The following CERS3 variants were observed in gnomAD, a reference collection of about 807,000 sequenced individuals.
The protein encoded by CERS3 is LAG1 homolog, ceramide synthase 3.
CERS3 carries 33 observed loss-of-function variants against 50.3 expected under a neutral mutation model. That is an observed-to-expected ratio of 0.66 (90% CI 0.50 to 0.88). CERS3 has a LOEUF of 0.88. CERS3 is among the 40% of genes least tolerant of loss of function. The probability of loss-of-function intolerance (pLI) is 0.00; values close to 1 mark genes in which losing one functional copy is unlikely to be tolerated. For synonymous variants in CERS3, 176 were observed against 155.2 expected, an observed-to-expected ratio of 1.13 and a Z score of -0.99; for missense variants, 470 against 460.3, an observed-to-expected ratio of 1.02 and a Z score of -0.19.
intron 11 of CERS3, among the ~76,000 whole-genome samples, chr15:100,451,258 A>C (rs890421610): frequency 1.3e-5 from 2 of 151,908 alleles, no homozygotes; most frequent in African/African-American, 4.8e-5. Context: ...AAATTAATTA[A>C]TAAAATGACA....
chr15:100,474,765 C>A (rs1476094926), intron 8 of CERS3, among the ~76,000 whole-genome samples: 1 of 152,130 alleles, frequency 6.6e-6, no homozygotes, highest in Non-Finnish European at 1.5e-5. Flanking sequence ...GAGATAGGAA[C>A]TATTTTTAGC....
intron 11 of CERS3, among the ~76,000 whole-genome samples, chr15:100,403,791 C>G (rs1480902076): frequency 2.0e-5 from 3 of 152,184 alleles, no homozygotes; most frequent in Non-Finnish European, 2.9e-5. Context: ...AATGTTTACA[C>G]TGGTAAATTC....
intron 11 of CERS3, among the ~76,000 whole-genome samples, chr15:100,403,850 C>T (rs899809439): frequency 6.6e-6 from 1 of 150,852 alleles, no homozygotes; most frequent in African/African-American, 2.4e-5. Context: ...CAATCACTTC[C>T]AGAAAATAGA....
chr15:100,517,210 C>T (rs765404582), intron 2 of CERS3, among the ~76,000 whole-genome samples: 36 of 152,320 alleles, frequency 2.4e-4, no homozygotes, highest in Non-Finnish European at 4.6e-4. Flanking sequence ...AAATAAAGTA[C>T]ATCATGTGTC....
chr15:100,541,284 C>T (rs2037196420), intron 1 of CERS3, among the ~76,000 whole-genome samples: 1 of 152,154 alleles, frequency 6.6e-6, no homozygotes, highest in South Asian at 2.1e-4. Context: ...CCAGCCTGAC[C>T]AACATGGCGA....
rs945461513 is a variant in CERS3, at chr15:100,430,120, G to A, written c.999+25773C>T. Among the ~76,000 whole-genome samples, 4 of 152,040 alleles carry A rather than the reference G, an allele frequency of 2.6e-5. No individual in the cohort carries two copies. The South Asian group carries it at 8.3e-4, about 32-fold the overall frequency. On this transcript the variant is annotated intron_variant, in intron 11 of 11. Coordinates refer to ENST00000679737, the MANE Select transcript of CERS3 (RefSeq NM_001378789.1). Reference sequence around the variant, plus strand: ...GAGGTCAGGAGATCGAGACCATCCTGGCTAACACGGTGGAACCCTGTCTCT... The same window carrying A: ...GAGGTCAGGAGATCGAGACCATCCTAGCTAACACGGTGGAACCCTGTCTCT...
upstream of CERS3, among the ~76,000 whole-genome samples, chr15:100,532,720 A>G (rs776105857): frequency 6.6e-6 from 1 of 152,154 alleles, no homozygotes; most frequent in African/African-American, 2.4e-5. Flanking sequence ...AATCGGCCCA[A>G]TACACTCCAG....
chr15:100,463,370 G>A (rs574697375), intron 10 of CERS3, among the ~76,000 whole-genome samples: 12 of 146,990 alleles, frequency 8.2e-5, no homozygotes, highest in African/African-American at 2.8e-4. Context: ...GGGAAGCAGA[G>A]GTTGCAGTGA....
intron 3 of CERS3, among the ~76,000 whole-genome samples, chr15:100,497,852 TACACACACACACACACACACAC>T (rs57343426): frequency 5.5e-5 from 6 of 108,826 alleles, no homozygotes; most frequent in African/African-American, 7.3e-5. Context: ...ACCTATCTCT[TACACACACACACACACACACAC>T]ACACACACAC....
At chr15:100,463,509 A>C (rs563654522) in intron 10 of CERS3, among the ~76,000 whole-genome samples, 1 of 152,232 alleles carries the variant, frequency 6.6e-6, no homozygotes, top group African/African-American at 2.4e-5. Flanking sequence ...TTATAAATAA[A>C]GTTCCTTATT....
At chr15:100,426,159 A>T (rs2032799110) in intron 11 of CERS3, 1 of 152,216 alleles carries the variant, frequency 6.6e-6, no homozygotes, top group African/African-American at 2.4e-5. Context: ...CTATATACAC[A>T]TCAAAAATTT....
At chr15:100,462,515 TA>T (rs2034582588) in intron 10 of CERS3, among the ~76,000 whole-genome samples, 1 of 152,240 alleles carries the variant, frequency 6.6e-6, no homozygotes, top group Non-Finnish European at 1.5e-5. Flanking sequence ...AGTGATCTCT[TA>T]AGTTTCTAAA....
chr15:100,434,345 C>T (rs140902212), intron 11 of CERS3, among the ~76,000 whole-genome samples: 520 of 152,354 alleles, frequency 3.4e-3, no homozygotes, highest in Non-Finnish European at 5.2e-3. Flanking sequence ...CTTTGAAGAA[C>T]ACAGCCCCTT....
At chr15:100,440,269 G>A (rs1409625862) in intron 11 of CERS3, among the ~76,000 whole-genome samples, 1 of 152,134 alleles carries the variant, frequency 6.6e-6, no homozygotes, top group East Asian at 1.9e-4. Flanking sequence ...TCAGTCCTCT[G>A]AGCCTAAGCT....
chr15:100,456,350 C>T (rs963853689), intron 10 of CERS3, among the ~76,000 whole-genome samples: 1 of 152,142 alleles, frequency 6.6e-6, no homozygotes, highest in African/African-American at 2.4e-5. Flanking sequence ...ATACACTAAC[C>T]ATTTTTACCT....
chr15:100,509,034 C>CTCAT (rs1162157137), intron 2 of CERS3, among the ~76,000 whole-genome samples: 3 of 152,106 alleles, frequency 2.0e-5, no homozygotes, highest in Non-Finnish European at 4.4e-5. Flanking sequence ...GCATCTCAGC[C>CTCAT]CCAGCTGTGT....
upstream of CERS3, chr15:100,529,286 G>A (rs1389803987): frequency 6.6e-6 from 1 of 152,202 alleles, no homozygotes; most frequent in Non-Finnish European, 1.5e-5. Flanking sequence ...GGTTCGACAA[G>A]TATAGTACTC....
intron 6 of CERS3, 74 bp downstream of exon 6, chr15:100,479,915 C>A: frequency 9.1e-7 from 1 of 1,104,700 alleles, no homozygotes; most frequent in South Asian, 1.3e-5. Context: ...GTACTATACC[C>A]TAAAGGAATT....
chr15:100,459,155 T>C (rs1360736030), intron 10 of CERS3, among the ~76,000 whole-genome samples: 1 of 152,238 alleles, frequency 6.6e-6, no homozygotes, highest in Non-Finnish European at 1.5e-5. Flanking sequence ...TGCCAACCCC[T>C]ACTATGTATC....
Sources: gnomAD v4.1 joint callset for allele counts (sites outside exome capture counted in the v4.1 genomes callset) on GRCh38, gnomAD v4.1.1 for gene constraint, MANE v1.5 for transcripts, NCBI Gene and HGNC (gene_info 2026-07-23, HGNC 2026-07-21) for gene names.